The following SWAP70 variants were observed in gnomAD, a reference collection of about 807,000 sequenced individuals.
SWAP70 encodes the protein switch-associated protein 70.
A neutral mutation model predicts 80.2 loss-of-function variants in SWAP70; 34 were observed. The ratio of observed to expected loss-of-function variants is 0.42; its 90% CI spans 0.32 to 0.56. The LOEUF is 0.56. Among genes scored for constraint, SWAP70 ranks in the 20% least tolerant of loss-of-function variants. SWAP70 has a pLI of 0.09. For missense variants in SWAP70, 578 were observed against 690.7 expected (o/e 0.84, Z 1.83); for synonymous variants, 239 against 238.5 (o/e 1.00, Z -0.02).
chr11:9,724,413 CA>C (rs767481078), intron 3 of SWAP70, among the ~76,000 whole-genome samples: 84 of 152,276 alleles, frequency 5.5e-4, no homozygotes, highest in Non-Finnish European at 1.1e-3. Flanking sequence ...GTTCTGCAGA[CA>C]AATATACTAC....
chr11:9,704,499 A>T (rs1287126726), intron 2 of SWAP70, among the ~76,000 whole-genome samples: 1 of 151,906 alleles, frequency 6.6e-6, no homozygotes, highest in East Asian at 1.9e-4. Context: ...GGTTCAAGTG[A>T]TTCTCATGCC....
In SWAP70 at chr11:9,751,362, A is replaced by G. The variant is rs1368908916; in HGVS notation, c.*1392A>G. 6.6e-6 allele frequency: 1 copy of G among 152,244 alleles called. No individual in the cohort carries two copies. The highest frequency in any genetic ancestry group is 1.5e-5 in the Non-Finnish European group (1 of 68,050). The allele number at this position is 152,244 out of a possible 1,614,324, so 9.4% of individuals were successfully genotyped here. A position where few individuals can be genotyped will look rare whatever the true frequency, so the allele number is the denominator to read the frequency against. Reference sequence around the variant, plus strand: ...GAAAGGAGTATTGAGGAAGGTTTTCATATATGATCTATCTTTGGATTAAAA... The same window carrying G: ...GAAAGGAGTATTGAGGAAGGTTTTCGTATATGATCTATCTTTGGATTAAAA... On this transcript the variant is annotated 3_prime_UTR_variant, in exon 12 of 12. Coordinates refer to ENST00000318950, the MANE Select transcript of SWAP70 (RefSeq NM_015055.4).
At chr11:9,733,378 T>G (rs955869675) in intron 7 of SWAP70, among the ~76,000 whole-genome samples, 2 of 152,190 alleles carry the variant, frequency 1.3e-5, no homozygotes, top group Non-Finnish European at 2.9e-5. Flanking sequence ...TCAAGGACTC[T>G]TTCATGCACA....
At position 9,750,293 on chromosome 11, in the gene SWAP70, A is replaced by G; in HGVS notation, c.*323A>G. On this transcript the variant is annotated 3_prime_UTR_variant, in exon 12 of 12. Coordinates refer to ENST00000318950, the MANE Select transcript of SWAP70 (RefSeq NM_015055.4). ...GAGGCGGAGGTTGCAGCGAGCTGAGATCATGCCGTTGTACTCCAGCTTGGG... is the reference window on the plus strand; with the variant it reads ...GAGGCGGAGGTTGCAGCGAGCTGAGGTCATGCCGTTGTACTCCAGCTTGGG... The G allele has an allele frequency of 4.8e-6, 1 of 207,964 alleles. No individual in the cohort carries two copies. The highest frequency in any genetic ancestry group is 1.0e-5 in the Non-Finnish European group (1 of 99,172). 12.9% of individuals were successfully genotyped at this position (207,964 alleles called of 1,614,324 possible).
chr11:9,703,469 C>A, intron 2 of SWAP70: 1 of 456,276 alleles, frequency 2.2e-6, no homozygotes, highest in Non-Finnish European at 4.4e-6. Context: ...CTCCGCCCAT[C>A]AAATGCAGCG....
chr11:9,726,792 G>A (rs988442974), intron 4 of SWAP70: 5 of 436,560 alleles, frequency 1.1e-5, no homozygotes, highest in African/African-American at 8.1e-5. Flanking sequence ...AAACATTTGA[G>A]TCACACACCT....
intron 3 of SWAP70, among the ~76,000 whole-genome samples, chr11:9,722,579 C>T (rs552745603): frequency 8.5e-5 from 13 of 152,212 alleles, no homozygotes; most frequent in South Asian, 2.1e-4. Flanking sequence ...CAGGTGGTGC[C>T]GACGTCACTG....
In SWAP70 at chr11:9,740,258, G is replaced by A. The variant is rs1851418357; in HGVS notation, c.1266G>A (p.Leu422=). The change falls in exon 9 of 12, where the codon CTG becomes CTA. Residue 422 remains leucine (L), a synonymous_variant. Transcript: ENST00000318950. ...AGTATTTACAGCGAGTACGGGAGCTGGAAGACATGTACCTAAAGCTGCAGG... is the reference window on the plus strand; with the variant it reads ...AGTATTTACAGCGAGTACGGGAGCTAGAAGACATGTACCTAAAGCTGCAGG... ...LEQYLQRVRE[L]EDMYLKLQEA... The A allele has an allele frequency of 3.7e-6, 6 of 1,614,088 alleles. No homozygotes were observed. Among genetic ancestry groups the A allele is most frequent in the Non-Finnish European group, 5.1e-6 (6 of 1,180,036 alleles).
chr11:9,713,813 C>A (rs572713880), intron 3 of SWAP70, among the ~76,000 whole-genome samples, 174 bp downstream of exon 3: 1 of 152,318 alleles, frequency 6.6e-6, no homozygotes, highest in African/African-American at 2.4e-5. Context: ...TAATTTGGGG[C>A]ATGTAATACC....
At chr11:9,675,366 A>AGG (rs1850480347) in intron 1 of SWAP70, among the ~76,000 whole-genome samples, 2 of 31,698 alleles carry the variant, frequency 6.3e-5, no homozygotes. Flanking sequence ...AGAGAGAGAG[A>AGG]GAGAGAGAGA....
intron 3 of SWAP70, among the ~76,000 whole-genome samples, chr11:9,719,691 C>T (rs922278582): frequency 3.3e-5 from 5 of 152,250 alleles, no homozygotes; most frequent in Middle Eastern, 6.8e-3. Flanking sequence ...CATTTGAGTT[C>T]GTTCCATAAT....
At chr11:9,670,496 G>A (rs528488992) in intron 1 of SWAP70, among the ~76,000 whole-genome samples, 3 of 152,032 alleles carry the variant, frequency 2.0e-5, no homozygotes, top group Admixed American at 6.6e-5. Context: ...ATGTTCAGCT[G>A]GAGATGATAT....
At chr11:9,702,896 G>T (rs1221431241) in intron 2 of SWAP70, among the ~76,000 whole-genome samples, 1 of 152,160 alleles carries the variant, frequency 6.6e-6, no homozygotes, top group African/African-American at 2.4e-5. Flanking sequence ...GTCATGTACT[G>T]TAAAGATATA....
intron 2 of SWAP70, among the ~76,000 whole-genome samples, chr11:9,701,928 C>T (rs150734445): frequency 1.4e-4 from 21 of 152,190 alleles, no homozygotes; most frequent in African/African-American, 4.8e-4. Context: ...CATATTAAGT[C>T]TTGGTTTGGG....
At chr11:9,710,261 CAT>C (rs1850977769) in intron 2 of SWAP70, among the ~76,000 whole-genome samples, 1 of 152,062 alleles carries the variant, frequency 6.6e-6, no homozygotes. Flanking sequence ...TGAGAAATAA[CAT>C]ATAAAATGCC....
intron 1 of SWAP70, among the ~76,000 whole-genome samples, chr11:9,670,902 T>C (rs1319868351): frequency 6.6e-6 from 1 of 151,080 alleles, no homozygotes; most frequent in Non-Finnish European, 1.5e-5. Context: ...TACAGGTGCC[T>C]GCCACCACAC....
chr11:9,734,709 C>T (rs924888103), intron 7 of SWAP70, among the ~76,000 whole-genome samples: 3 of 152,134 alleles, frequency 2.0e-5, no homozygotes, highest in Admixed American at 2.0e-4. Flanking sequence ...GTGCCATGCT[C>T]ACTCCCCTGC....
At chr11:9,728,245 CT>C (rs745897418) in intron 5 of SWAP70, 46 bp downstream of exon 5, 18 of 1,509,228 alleles carry the variant, frequency 1.2e-5, no homozygotes, top group South Asian at 7.9e-5. Flanking sequence ...GTGCTGCCCC[CT>C]GATGCTGAAG....
intron 9 of SWAP70, 110 bp downstream of exon 9, chr11:9,740,457 T>A: frequency 2.6e-6 from 3 of 1,139,786 alleles, no homozygotes; most frequent in Non-Finnish European, 2.6e-6. Flanking sequence ...CTGCTCTGGC[T>A]GTGACTGAGC....
Sources: allele counts gnomAD v4.1 joint callset (sites outside exome capture counted in the v4.1 genomes callset), GRCh38; gene constraint gnomAD v4.1.1; transcripts MANE v1.5; gene names NCBI Gene and HGNC (gene_info 2026-07-23, HGNC 2026-07-21).